DDHD2: variants seen among roughly 807,000 people sequenced by gnomAD.
DDHD2 encodes triacylglycerol hydrolase DDHD2.
DDHD2 carries 62 observed loss-of-function variants against 91.2 expected under a neutral mutation model. The observed-to-expected ratio is 0.68, with a 90% CI of 0.55 to 0.84. DDHD2 has a LOEUF of 0.84. Among genes scored for constraint, DDHD2 ranks in the 40% least tolerant of loss-of-function variants. DDHD2 has a pLI of 0.00. For synonymous variants in DDHD2, 271 were observed against 293.9 expected, an observed-to-expected ratio of 0.92 and a Z score of 0.80; for missense variants, 740 against 846.9, an observed-to-expected ratio of 0.87 and a Z score of 1.57.
chr8:38,255,456 A>G, intron 16 of DDHD2: 1 of 298,894 alleles, frequency 3.3e-6, no homozygotes, highest in Middle Eastern at 5.0e-4. Context: ...AAGAAAGAAA[A>G]ATAATGAAAA....
chr8:38,234,190 A>G (rs1043357011), intron 2 of DDHD2, among the ~76,000 whole-genome samples: 3 of 152,160 alleles, frequency 2.0e-5, no homozygotes, highest in African/African-American at 7.2e-5. Context: ...TTCATATTTC[A>G]TTAAAATCAG....
intron 3 of DDHD2, 103 bp from the exon 4 acceptor site, chr8:38,237,435 G>T: frequency 1.7e-6 from 1 of 598,112 alleles, no homozygotes; most frequent in Non-Finnish European, 3.0e-6. Flanking sequence ...ATTGGAGTAG[G>T]ATATTCTTAT....
rs369986054 is a variant in DDHD2, at chr8:38,245,784, G to T, written c.891G>T (p.Arg297Ser). 1 of 1,614,100 alleles carries T rather than the reference G, an allele frequency of 6.2e-7. No individual in the cohort carries two copies. The highest frequency in any genetic ancestry group is 8.5e-7 in the Non-Finnish European group (1 of 1,180,024). ...CCCTGCCCAGCATTAACCGCCTCAG[G>T]CACTTCACCAATGACACAATTCTGG... is the stretch of plus-strand genomic sequence containing the variant. The part of the protein sequence containing the change: ...RITLPSINRL[R>S]HFTNDTILDV... Residue 297 changes from arginine to serine, a missense_variant, in exon 8 of 18, where the codon AGG (arginine) becomes AGT (serine). Arg to Ser is a moderately radical substitution (Grantham distance 110). Coordinates refer to ENST00000397166, the MANE Select transcript of DDHD2 (RefSeq NM_015214.3).
At chr8:38,258,773 CT>C (rs1402115078) in intron 16 of DDHD2, among the ~76,000 whole-genome samples, 3 of 152,172 alleles carry the variant, frequency 2.0e-5, no homozygotes, top group African/African-American at 7.2e-5. Context: ...GTGATCCTTT[CT>C]GGGGAAGAAT....
intron 1 of DDHD2, chr8:38,268,331 C>G (rs1210192924): frequency 2.0e-6 from 3 of 1,519,498 alleles, no homozygotes; most frequent in South Asian, 1.2e-5. Context: ...CTCCTAGGTT[C>G]CCAGCACGAA....
downstream of DDHD2, chr8:38,263,364 T>G (rs985559474): frequency 4.1e-6 from 4 of 985,102 alleles, no homozygotes; most frequent in African/African-American, 7.0e-5. Flanking sequence ...CATTTTTCTT[T>G]TCTACCTTAG....
intron 10 of DDHD2, among the ~76,000 whole-genome samples, chr8:38,249,461 T>TTG (rs1554514910): frequency 6.6e-6 from 1 of 151,758 alleles, no homozygotes; most frequent in African/African-American, 2.4e-5. Context: ...CTCTGTTTTT[T>TTG]TTTTTTTTTT....
At chr8:38,269,468 C>T (rs925557107) in intron 1 of DDHD2, among the ~76,000 whole-genome samples, 1 of 152,142 alleles carries the variant, frequency 6.6e-6, no homozygotes, top group Admixed American at 6.5e-5. Context: ...CTCGTCTCCA[C>T]GGCCCAACCA....
At chr8:38,234,617 T>C in intron 3 of DDHD2, 33 bp downstream of exon 3, 3 of 1,493,920 alleles carry the variant, frequency 2.0e-6, no homozygotes, top group South Asian at 2.6e-5. Context: ...ACTTATTCTT[T>C]CTTTCTCTTA....
chr8:38,261,302 G>C lies in DDHD2; in HGVS notation c.*729G>C, dbSNP rs1355919646. The C allele has an allele frequency of 6.6e-6, 1 of 152,192 alleles. No individual in the cohort carries two copies. Among genetic ancestry groups the C allele is most frequent in the East Asian group, 1.9e-4 (1 of 5,206 alleles). The allele number at this position is 152,192 out of a possible 1,614,324, so 9.4% of individuals were successfully genotyped here. ...GTTAGGTGCATCTTTATAAAGCAAA[G>C]ATGTTGTATATCCTAGGCCTCCCTT... On this transcript the variant is annotated 3_prime_UTR_variant, in exon 18 of 18. Coordinates refer to ENST00000397166, the MANE Select transcript of DDHD2 (RefSeq NM_015214.3).
At chr8:38,238,582 C>A in intron 5 of DDHD2, 1 of 1,035,670 alleles carries the variant, frequency 9.7e-7, no homozygotes, top group Non-Finnish European at 1.2e-6. Context: ...TCAGCAGGAC[C>A]TGATTATGCA....
downstream of DDHD2, chr8:38,272,308 A>AT (rs1171477291): frequency 6.6e-6 from 1 of 152,256 alleles, no homozygotes; most frequent in Non-Finnish European, 1.5e-5. Context: ...AGGCCAGATC[A>AT]TTTTTGAGAA....
In DDHD2 at chr8:38,245,701, G is replaced by A. The variant is rs187830532; in HGVS notation, c.849-41G>A. The A allele has an allele frequency of 1.9e-4, 287 of 1,540,338 alleles. 1 individual carries two copies. The African/African-American group carries it at 3.6e-3, about 19-fold the overall frequency. On this transcript the variant is annotated intron_variant, in intron 7 of 17. Coordinates refer to ENST00000397166, the MANE Select transcript of DDHD2 (RefSeq NM_015214.3). ...TTAAAATTGGAAGCAGCTATTAAGT[G>A]TATTTAGGTTTCCTGCTTATATTAT...
At chr8:38,259,951 TGG>T in intron 16 of DDHD2, 87 bp from the exon 17 acceptor site, 1 of 825,998 alleles carries the variant, frequency 1.2e-6, no homozygotes, top group South Asian at 1.6e-5. Flanking sequence ...ACTTGCAAGA[TGG>T]TTGTATGGAT....
At chr8:38,270,864 A>G (rs1029291956) in intron 1 of DDHD2, 4 of 152,262 alleles carry the variant, frequency 2.6e-5, no homozygotes, top group Non-Finnish European at 5.9e-5. Flanking sequence ...CGCTTCATAC[A>G]TACGTGCCAC....
chr8:38,233,965 T>A (rs1037498292), intron 2 of DDHD2, among the ~76,000 whole-genome samples: 9 of 151,536 alleles, frequency 5.9e-5, no homozygotes, highest in Non-Finnish European at 1.2e-4. Flanking sequence ...AAAGTATGTA[T>A]AGAGTGGGGT....
At chr8:38,250,061 C>T (rs1202295991) in intron 11 of DDHD2, 17 of 195,490 alleles carry the variant, frequency 8.7e-5, no homozygotes, top group African/African-American at 2.8e-4. Flanking sequence ...GGACTACAGG[C>T]GCCCACCACC....
Position 38,237,556 on chromosome 8 carries a change from G to C in DDHD2, c.430G>C (p.Val144Leu). 2 of 1,592,256 alleles carry C rather than the reference G, an allele frequency of 1.3e-6. No individual in the cohort carries two copies. Among genetic ancestry groups the C allele is most frequent in the Non-Finnish European group, 1.7e-6 (2 of 1,166,394 alleles). The stretch of plus-strand genomic sequence containing the variant: ...TTTTAAGGAAACTTACATGCTTGCT[G>C]TAACTTTGGATGAATGGAAAAAGAA... ...QVLEETYMLA[V>L]TLDEWKKKLE... Residue 144 changes from valine to leucine, a missense_variant, in exon 4 of 18, where the codon GTA (valine) becomes CTA (leucine). Physicochemically the swap from Val to Leu is conservative, Grantham distance 32 (BLOSUM62 1). Around this residue, in one of 2 missense-constraint regions of DDHD2, gnomAD observed 693 missense variants for 764.2 expected, o/e 0.91. Transcript: ENST00000397166.
intron 3 of DDHD2, among the ~76,000 whole-genome samples, chr8:38,237,056 G>T (rs1482476023): frequency 6.6e-6 from 1 of 152,020 alleles, no homozygotes; most frequent in Non-Finnish European, 1.5e-5. Flanking sequence ...TTGTCCTGGT[G>T]CTACTATCAG....
Sources: gnomAD v4.1 joint callset for allele counts (sites outside exome capture counted in the v4.1 genomes callset) on GRCh38, gnomAD v4.1.1 for gene constraint, gnomAD v4.1.1 regional missense constraint, MANE v1.5 for transcripts, NCBI Gene and HGNC (gene_info 2026-07-23, HGNC 2026-07-21) for gene names.